PANK2: variants seen among roughly 807,000 people sequenced by gnomAD.
PANK2 encodes pantothenate kinase 2.
A neutral mutation model predicts 43.1 loss-of-function variants in PANK2; 36 were observed. The observed-to-expected ratio is 0.84, with a 90% CI of 0.64 to 1.10. The LOEUF is 1.10. Ranked by LOEUF, PANK2 falls within the 50% of genes least tolerant of loss-of-function variation. The pLI, the probability that PANK2 is intolerant of heterozygous loss-of-function variation, is 0.00. For synonymous variants in PANK2, 281 were observed against 238.2 expected, an observed-to-expected ratio of 1.18 and a Z score of -1.66; for missense variants, 576 against 593.3, an observed-to-expected ratio of 0.97 and a Z score of 0.30.
chr20:3,913,631 G>A (rs942140368), intron 4 of PANK2, among the ~76,000 whole-genome samples: 1 of 151,720 alleles, frequency 6.6e-6, no homozygotes, highest in South Asian at 2.1e-4. Context: ...CACCGCGCCC[G>A]GCTGCCACAT....
chr20:3,912,708 T>C (rs2090487679), intron 4 of PANK2, 74 bp downstream of exon 4: 2 of 1,536,994 alleles, frequency 1.3e-6, no homozygotes. Flanking sequence ...TCCCAAAACT[T>C]TGAGAGGCCG....
chr20:3,905,039 G>A (rs1221916996), intron 1 of PANK2, among the ~76,000 whole-genome samples: 2 of 152,136 alleles, frequency 1.3e-5, no homozygotes, highest in East Asian at 3.8e-4. Context: ...TCCTGATTCT[G>A]GGGCTCCAGT....
intron 6 of PANK2, 51 bp from the exon 7 acceptor site, chr20:3,923,193 T>G: frequency 1.3e-6 from 2 of 1,593,252 alleles, no homozygotes; most frequent in Non-Finnish European, 8.6e-7. Flanking sequence ...GTAAGGTGAT[T>G]TGAATAAGTC....
chr20:3,910,085 C>A (rs1479102953), intron 2 of PANK2, among the ~76,000 whole-genome samples: 1 of 152,212 alleles, frequency 6.6e-6, no homozygotes, highest in Non-Finnish European at 1.5e-5. Context: ...TGGATACTTT[C>A]AGCCTTTTGG....
At chr20:3,914,833 C>T (rs1018478622) in intron 4 of PANK2, among the ~76,000 whole-genome samples, 9 of 149,682 alleles carry the variant, frequency 6.0e-5, no homozygotes, top group Non-Finnish European at 1.2e-4. Context: ...TGGTCTCGAG[C>T]TCCTGACCTC....
chr20:3,912,867 T>A (rs1054345247), intron 4 of PANK2, among the ~76,000 whole-genome samples: 2 of 140,064 alleles, frequency 1.4e-5, no homozygotes, highest in Non-Finnish European at 3.0e-5. Flanking sequence ...GGAGAATCAC[T>A]TGAACCCTGG....
Position 3,897,175 on chromosome 20 carries a change from GA to G in PANK2, c.298+7452del, listed in dbSNP as rs1042264921. Among the ~76,000 whole-genome samples, 253 of 152,124 alleles carry G rather than the reference GA, an allele frequency of 1.7e-3. 1 individual carries two copies. Among genetic ancestry groups the G allele is most frequent in the Middle Eastern group, 6.8e-3 (2 of 294 alleles). On this transcript the variant is annotated intron_variant, in intron 1 of 6. Transcript: ENST00000610179. Reference sequence around the variant, plus strand: ...TCGTTGCTGTGGTGTGAGAGCAGAGGAAAAACTTTGTTTTTCCACACTCTTA... The same window carrying G: ...TCGTTGCTGTGGTGTGAGAGCAGAGGAAAACTTTGTTTTTCCACACTCTTA...
chr20:3,923,338 C>A lies in PANK2; in HGVS notation c.*44C>A. On this transcript the variant is annotated 3_prime_UTR_variant, in exon 7 of 7. Transcript: ENST00000610179. ...TTCCTGAAACCTTCCACAATGGGATCTGTGGACTTTCATTTTTTTAAGAGA... is the reference window on the plus strand; with the variant it reads ...TTCCTGAAACCTTCCACAATGGGATATGTGGACTTTCATTTTTTTAAGAGA... 6.3e-7 allele frequency: 1 copy of A among 1,588,382 alleles called. No individual in the cohort carries two copies. The highest frequency in any genetic ancestry group is 8.6e-7 in the Non-Finnish European group (1 of 1,156,628).
At chr20:3,892,876 T>C (rs1160802409) in intron 1 of PANK2, among the ~76,000 whole-genome samples, 1 of 152,076 alleles carries the variant, frequency 6.6e-6, no homozygotes, top group Non-Finnish European at 1.5e-5. Context: ...ACTTACTGCA[T>C]CAGAATCCCT....
chr20:3,918,857 C>T (rs1012128079), intron 6 of PANK2, 61 bp downstream of exon 6: 22 of 1,612,004 alleles, frequency 1.4e-5, no homozygotes, highest in Middle Eastern at 3.3e-4. Flanking sequence ...GTCACACTGT[C>T]ATGGAACTTG....
At chr20:3,923,024 T>G (rs1160318946) in intron 6 of PANK2, among the ~76,000 whole-genome samples, 1 of 152,174 alleles carries the variant, frequency 6.6e-6, no homozygotes, top group Non-Finnish European at 1.5e-5. Flanking sequence ...ATCACAGTGG[T>G]CTGAAGTGCT....
chr20:3,918,922 T>C, intron 6 of PANK2, 126 bp downstream of exon 6: 1 of 1,522,146 alleles, frequency 6.6e-7, no homozygotes, highest in Non-Finnish European at 9.1e-7. Flanking sequence ...TTTTGTTTTT[T>C]TGAGACGGAG....
chr20:3,922,723 G>A (rs1296749178), intron 6 of PANK2, among the ~76,000 whole-genome samples: 1 of 152,028 alleles, frequency 6.6e-6, no homozygotes, highest in Non-Finnish European at 1.5e-5. Flanking sequence ...CTGCTGTCCT[G>A]TCCTCTGTTA....
At chr20:3,888,941 CCAG>C, upstream of PANK2, 13 of 569,372 alleles carry the variant, frequency 2.3e-5, no homozygotes, top group South Asian at 1.4e-4. Flanking sequence ...CTGCCGACGA[CCAG>C]CGGCCAGACG....
intron 1 of PANK2, among the ~76,000 whole-genome samples, chr20:3,893,277 G>T (rs563820465): frequency 6.6e-6 from 1 of 152,196 alleles, no homozygotes; most frequent in East Asian, 1.9e-4. Flanking sequence ...CACATTTTGG[G>T]GTGGGGGAAG....
At position 3,918,738 on chromosome 20, in the gene PANK2, C is replaced by T. The variant is rs1245472364; in HGVS notation, c.1274C>T (p.Ala425Val). 1 of 1,614,078 alleles carries T rather than the reference C, an allele frequency of 6.2e-7. No homozygotes were observed. Among genetic ancestry groups the T allele is most frequent in the African/African-American group, 1.3e-5 (1 of 74,922 alleles). ...AATACGATCGCCATGCGGCTTTTGG[C>T]ATATGCTTTGGATTATTGGTCCAAG... The change falls in exon 6 of 7, where the codon GCA becomes GTA. Residue 425 changes from alanine to valine, a missense_variant. By Grantham distance (64) the Ala-to-Val change is moderately conservative (BLOSUM62 0). Transcript: ENST00000610179.
At chr20:3,917,114 A>G in intron 5 of PANK2, 64 bp downstream of exon 5, 1 of 1,601,288 alleles carries the variant, frequency 6.2e-7, no homozygotes, top group Non-Finnish European at 8.6e-7. Flanking sequence ...GGGCCCCATC[A>G]CGTCTGTTTT....
chr20:3,923,149 G>A, intron 6 of PANK2, 95 bp from the exon 7 acceptor site: 1 of 1,373,648 alleles, frequency 7.3e-7, no homozygotes, highest in Non-Finnish European at 1.0e-6. Flanking sequence ...TGCTGTGTGT[G>A]GGCAGTGGTT....
chr20:3,893,002 T>C (rs1416301258), intron 1 of PANK2, among the ~76,000 whole-genome samples: 2 of 152,194 alleles, frequency 1.3e-5, no homozygotes, highest in Non-Finnish European at 2.9e-5. Context: ...GATTTTAAAA[T>C]GATGGAAACC....
Sources: allele counts gnomAD v4.1 joint callset (sites outside exome capture counted in the v4.1 genomes callset), GRCh38; gene constraint gnomAD v4.1.1; transcripts MANE v1.5; gene names NCBI Gene and HGNC (gene_info 2026-07-23, HGNC 2026-07-21).